CCDC6: variants seen among roughly 807,000 people sequenced by gnomAD.
CCDC6 encodes the protein coiled-coil domain-containing protein 6.
In CCDC6, 20 loss-of-function variants were observed where a neutral mutation model predicts 56.6. That is an observed-to-expected ratio of 0.35 (90% CI 0.25 to 0.51). CCDC6 has a LOEUF of 0.51. Among genes scored for constraint, CCDC6 ranks in the 20% least tolerant of loss-of-function variants. The probability of loss-of-function intolerance (pLI) is 0.95; values close to 1 mark genes in which losing one functional copy is unlikely to be tolerated. For missense variants in CCDC6, 367 were observed against 601.1 expected (o/e 0.61, Z 4.07); for synonymous variants, 241 against 234.4 (o/e 1.03, Z -0.26).
chr10:59,838,228 T>TCACACACACACACA (rs111779783), intron 2 of CCDC6, among the ~76,000 whole-genome samples: 1 of 151,096 alleles, frequency 6.6e-6, no homozygotes, highest in Non-Finnish European at 1.5e-5. Flanking sequence ...ATAACAGCTG[T>TCACACACACACACA]CACACACACA....
At chr10:59,841,587 T>A (rs2070939288) in intron 2 of CCDC6, among the ~76,000 whole-genome samples, 1 of 152,224 alleles carries the variant, frequency 6.6e-6, no homozygotes, top group Non-Finnish European at 1.5e-5. Flanking sequence ...TTACATCTTT[T>A]TCTTGCCTTT....
At chr10:59,822,205 A>G (rs982639873) in intron 3 of CCDC6, among the ~76,000 whole-genome samples, 22 of 152,226 alleles carry the variant, frequency 1.4e-4, no homozygotes, top group African/African-American at 5.3e-4. Flanking sequence ...GTTCTTTGAA[A>G]CTGACATAAT....
In CCDC6 at chr10:59,789,407, C is replaced by T. The variant is rs1179367522; in HGVS notation, c.*3510G>A. On this transcript the variant is annotated 3_prime_UTR_variant, in exon 9 of 9. Transcript: ENST00000263102. ...AGAAAATGCCCCCCACGACTTTATG[C>T]TAACAGCTGTGTGTATGTTTTAATC... The T allele has an allele frequency of 4.4e-6, 1 of 228,988 alleles. No homozygotes were observed. The highest frequency in any genetic ancestry group is 6.2e-5 in the East Asian group (1 of 16,122). 14.2% of individuals were successfully genotyped at this position (228,988 alleles called of 1,614,324 possible). A position where few individuals can be genotyped will look rare whatever the true frequency, so the allele number is the denominator to read the frequency against.
chr10:59,865,547 A>G (rs1267350776), intron 1 of CCDC6, among the ~76,000 whole-genome samples: 1 of 152,196 alleles, frequency 6.6e-6, no homozygotes, highest in African/African-American at 2.4e-5. Flanking sequence ...ATGATTGTAA[A>G]TTGATTGCAA....
At chr10:59,873,399 C>T (rs2071248944) in intron 1 of CCDC6, among the ~76,000 whole-genome samples, 1 of 152,044 alleles carries the variant, frequency 6.6e-6, no homozygotes, top group African/African-American at 2.4e-5. Flanking sequence ...TGAAGTGCTG[C>T]AGCTGCAAGC....
intron 1 of CCDC6, among the ~76,000 whole-genome samples, chr10:59,878,706 A>G (rs1237343968): frequency 6.6e-6 from 1 of 152,162 alleles, no homozygotes; most frequent in East Asian, 1.9e-4. Flanking sequence ...ACAACCAATC[A>G]TAACATTCAG....
chr10:59,818,466 T>C (rs1402847247), intron 3 of CCDC6, among the ~76,000 whole-genome samples: 1 of 135,350 alleles, frequency 7.4e-6, no homozygotes, highest in Non-Finnish European at 1.6e-5. Context: ...GGTCCTTGAA[T>C]GTTCAACGTC....
chr10:59,794,691 C>T (rs1025620601), intron 7 of CCDC6, 94 bp from the exon 8 acceptor site: 1 of 1,032,900 alleles, frequency 9.7e-7, no homozygotes, highest in Admixed American at 2.0e-5. Flanking sequence ...AGTTCTCTAT[C>T]ACCCACAAAA....
In CCDC6 at chr10:59,840,847, C is replaced by A. The variant is rs573443345; in HGVS notation, c.454-8194G>T. ...AAATGTACCCAGAATCCAAAGTTTACCATCTTCAGTACTACTTCCTGAATA... is the reference window on the plus strand; with the variant it reads ...AAATGTACCCAGAATCCAAAGTTTAACATCTTCAGTACTACTTCCTGAATA... On this transcript the variant is annotated intron_variant, in intron 2 of 8. Coordinates refer to ENST00000263102, the MANE Select transcript of CCDC6 (RefSeq NM_005436.5). Among the ~76,000 whole-genome samples, 8 of 152,328 alleles carry A rather than the reference C, an allele frequency of 5.3e-5. No individual in the cohort carries two copies. The East Asian group carries it at 1.5e-3, about 29-fold the overall frequency.
intron 3 of CCDC6, among the ~76,000 whole-genome samples, chr10:59,828,658 G>A (rs61697610): frequency 0.017 from 2,643 of 152,152 alleles, 98 homozygotes; most frequent in African/African-American, 0.06. Flanking sequence ...ATCTCTCTCC[G>A]GATTTCCATT....
At position 59,789,213 on chromosome 10, in the gene CCDC6, T is replaced by C. The variant is rs2070446629; in HGVS notation, c.*3704A>G. ...ATGTACAATACAATCTAGATGACGG[T>C]GCAGACTAAGTCAAGAACTAAAGTT... is the stretch of plus-strand genomic sequence containing the variant. On this transcript the variant is annotated 3_prime_UTR_variant, in exon 9 of 9. Transcript: ENST00000263102. The C allele has an allele frequency of 8.7e-6, 2 of 231,120 alleles. No homozygotes were observed. Among genetic ancestry groups the C allele is most frequent in the African/African-American group, 4.4e-5 (2 of 45,224 alleles). 14.3% of individuals were successfully genotyped at this position (231,120 alleles called of 1,614,324 possible).
At chr10:59,852,027 T>C (rs895145549) in intron 2 of CCDC6, among the ~76,000 whole-genome samples, 8 of 152,274 alleles carry the variant, frequency 5.3e-5, no homozygotes, top group East Asian at 1.9e-4. Flanking sequence ...GTGATCAACG[T>C]TGAGTTTTAA....
In CCDC6 at chr10:59,791,002, C is replaced by T. The variant is rs2070462782; in HGVS notation, c.*1915G>A. ...CTATAAGAAAAACTGAGAACTGTAC[C>T]ATGAAGGCAAAATTTGTTTGCCTAC... On this transcript the variant is annotated 3_prime_UTR_variant, in exon 9 of 9. Transcript: ENST00000263102. 4.9e-6 allele frequency: 1 copy of T among 204,970 alleles called. No homozygotes were observed. The highest frequency in any genetic ancestry group is 2.3e-5 in the African/African-American group (1 of 43,692). The allele number at this position is 204,970 out of a possible 1,614,324, so 12.7% of individuals were successfully genotyped here.
chr10:59,797,749 C>T (rs764051906), intron 7 of CCDC6, among the ~76,000 whole-genome samples: 3 of 150,780 alleles, frequency 2.0e-5, no homozygotes, highest in Non-Finnish European at 3.0e-5. Context: ...GGGAATATCA[C>T]GACTTGAGAA....
intron 1 of CCDC6, among the ~76,000 whole-genome samples, chr10:59,857,777 G>C (rs1388191123): frequency 6.6e-6 from 1 of 152,000 alleles, no homozygotes; most frequent in African/African-American, 2.4e-5. Flanking sequence ...AGTCCAGGCA[G>C]GCTCTATTTA....
In CCDC6 at chr10:59,793,115, C is replaced by T. The variant is rs1254648625; in HGVS notation, c.1231-4G>A. 1.2e-6 allele frequency: 2 copies of T among 1,613,620 alleles called. No individual in the cohort carries two copies. The highest frequency in any genetic ancestry group is 1.3e-5 in the African/African-American group (1 of 75,016). ...TGCTTCTCCGTGGTGAAGGCCTCTG[C>T]AGAGGGGACAGGAACAGCAAGTCAG... On this transcript the variant is annotated splice_region_variant and splice_polypyrimidine_tract_variant and intron_variant, in intron 8 of 8. Transcript: ENST00000263102.
intron 2 of CCDC6, among the ~76,000 whole-genome samples, chr10:59,837,353 C>T (rs554660960): frequency 6.6e-6 from 1 of 152,326 alleles, no homozygotes; most frequent in Admixed American, 6.5e-5. Context: ...TGTAAAATGT[C>T]AATGTGCAGG....
chr10:59,797,602 A>G (rs2070532836), intron 7 of CCDC6, among the ~76,000 whole-genome samples: 1 of 146,408 alleles, frequency 6.8e-6, no homozygotes, highest in Admixed American at 6.8e-5. Context: ...AAAAAAAAAA[A>G]AAAAAAAAAA....
intron 1 of CCDC6, among the ~76,000 whole-genome samples, chr10:59,857,554 T>C (rs1352326860): frequency 1.3e-5 from 2 of 152,188 alleles, no homozygotes; most frequent in East Asian, 3.8e-4. Context: ...CATAATCTAT[T>C]AAGCATAAGA....
Sources: allele counts gnomAD v4.1 joint callset (sites outside exome capture counted in the v4.1 genomes callset), GRCh38; gene constraint gnomAD v4.1.1; transcripts MANE v1.5; gene names NCBI Gene and HGNC (gene_info 2026-07-23, HGNC 2026-07-21).